Variants in NCOR1 observed in about 807,000 individuals in gnomAD.
NCOR1 encodes protein phosphatase 1, regulatory subunit 109.
A neutral mutation model predicts 288.1 loss-of-function variants in NCOR1; 63 were observed. The observed-to-expected ratio is 0.22, with a 90% CI of 0.18 to 0.27. The LOEUF (loss-of-function observed/expected upper bound fraction) is 0.27. Among genes scored for constraint, NCOR1 ranks in the 10% least tolerant of loss-of-function variants. The probability of loss-of-function intolerance (pLI) is 1.00; values close to 1 mark genes in which losing one functional copy is unlikely to be tolerated. For synonymous variants in NCOR1, 1,007 were observed against 1,065.9 expected (o/e 0.94, Z 1.08); for missense variants, 2,397 against 3,019.2 (o/e 0.79, Z 4.83).
intron 18 of NCOR1, among the ~76,000 whole-genome samples, chr17:16,110,210 G>C (rs2069740365): frequency 6.6e-6 from 1 of 152,040 alleles, no homozygotes; most frequent in Non-Finnish European, 1.5e-5. Context: ...AAAAAAATTA[G>C]CTCTGTGTGC....
At chr17:16,187,388 A>T (rs2086887876) in intron 2 of NCOR1, among the ~76,000 whole-genome samples, 1 of 152,042 alleles carries the variant, frequency 6.6e-6, no homozygotes, top group African/African-American at 2.4e-5. Context: ...TGCATTATTC[A>T]CAACAGCCAA....
At chr17:16,153,817 A>G (rs1372274389) in intron 6 of NCOR1, among the ~76,000 whole-genome samples, 1 of 152,106 alleles carries the variant, frequency 6.6e-6, no homozygotes, top group Non-Finnish European at 1.5e-5. Flanking sequence ...AAAGCAATAA[A>G]ATACCATAAA....
At chr17:16,061,172 T>C (rs2060508493) in intron 37 of NCOR1, among the ~76,000 whole-genome samples, 1 of 152,214 alleles carries the variant, frequency 6.6e-6, no homozygotes, top group Non-Finnish European at 1.5e-5. Flanking sequence ...ACTTTCCAAA[T>C]TTAATTACAT....
chr17:16,062,109 T>C lies in NCOR1; in HGVS notation c.5383A>G (p.Ile1795Val). ...AAATATGTACAAGAGACTGACATGATTCGTAGCTGAGCAGTTGGATCCAAA... is the reference window on the plus strand; with the variant it reads ...AAATATGTACAAGAGACTGACATGACTCGTAGCTGAGCAGTTGGATCCAAA... ...TPLDPTAQLR[I>V]MPLPAGGPSI... The change falls in exon 36 of 46, where the codon ATC (isoleucine) becomes GTC (valine). Residue 1795 changes from isoleucine to valine, a missense_variant. Ile to Val is a conservative substitution (Grantham distance 29). Around this residue, in one of 11 missense-constraint regions of NCOR1, gnomAD observed 1,872 missense variants for 2,187.8 expected, o/e 0.86. Transcript: ENST00000268712. The C allele has an allele frequency of 6.2e-7, 1 of 1,610,560 alleles. No homozygotes were observed.
chr17:16,123,423 A>G (rs2073401057), intron 15 of NCOR1, among the ~76,000 whole-genome samples: 1 of 152,120 alleles, frequency 6.6e-6, no homozygotes, highest in South Asian at 2.1e-4. Flanking sequence ...TCCCTGATTC[A>G]TATCTCTAGT....
At chr17:16,060,768 A>T (rs2060469949) in intron 37 of NCOR1, among the ~76,000 whole-genome samples, 1 of 152,144 alleles carries the variant, frequency 6.6e-6, no homozygotes, top group Non-Finnish European at 1.5e-5. Context: ...GCAGATGCTT[A>T]TTTAAATACT....
In NCOR1 at chr17:16,107,765, G is replaced by C. The variant is rs567085235; in HGVS notation, c.2182+1021C>G. On this transcript the variant is annotated intron_variant, in intron 19 of 45. Transcript: ENST00000268712. ...TTTGCAGCACTCTTACCCTACCCTCGGGTGGGACTTCTCTAATACTCTCTC... is the reference window on the plus strand; with the variant it reads ...TTTGCAGCACTCTTACCCTACCCTCCGGTGGGACTTCTCTAATACTCTCTC... Among the ~76,000 whole-genome samples the C allele has an allele frequency of 9.2e-5, 14 of 152,108 alleles. No individual in the cohort carries two copies. The South Asian group carries it at 2.7e-3, about 29-fold the overall frequency.
intron 9 of NCOR1, among the ~76,000 whole-genome samples, chr17:16,148,433 C>G (rs1378983739): frequency 1.3e-5 from 2 of 152,080 alleles, no homozygotes; most frequent in African/African-American, 4.8e-5. Context: ...ACCTTAGGCT[C>G]CCCCTAATTA....
Position 16,098,504 on chromosome 17 carries a change from T to A in NCOR1, c.2691-8A>T, listed in dbSNP as rs2152976077. ...GAGTCCATAGGAAACATTCTGCAATTGCAATTTAAAAAAAAGATAAATGAA... is the reference window on the plus strand; with the variant it reads ...GAGTCCATAGGAAACATTCTGCAATAGCAATTTAAAAAAAAGATAAATGAA... On this transcript the variant is annotated splice_region_variant and splice_polypyrimidine_tract_variant and intron_variant, in intron 20 of 45. Coordinates refer to ENST00000268712, the MANE Select transcript of NCOR1 (RefSeq NM_006311.4). 1 of 1,597,062 alleles carries A rather than the reference T, an allele frequency of 6.3e-7. No individual in the cohort carries two copies. The highest frequency in any genetic ancestry group is 8.5e-7 in the Non-Finnish European group (1 of 1,173,070).
intron 4 of NCOR1, among the ~76,000 whole-genome samples, chr17:16,169,430 T>C (rs1294929601): frequency 1.3e-5 from 2 of 152,242 alleles, no homozygotes; most frequent in Admixed American, 1.3e-4. Flanking sequence ...CTATAAATGA[T>C]ATACCTAGGC....
chr17:16,173,121 T>G (rs1167149386), intron 3 of NCOR1, among the ~76,000 whole-genome samples: 1 of 152,094 alleles, frequency 6.6e-6, no homozygotes, highest in Admixed American at 6.6e-5. Context: ...GAGGTCTTGC[T>G]ATATTGCCTA....
chr17:16,126,950 T>A (rs1163314358), intron 14 of NCOR1, among the ~76,000 whole-genome samples: 1 of 152,108 alleles, frequency 6.6e-6, no homozygotes, highest in Non-Finnish European at 1.5e-5. Flanking sequence ...AGTATGAAAA[T>A]GGGTAAGTGT....
intron 2 of NCOR1, 127 bp from the exon 3 acceptor site, chr17:16,186,814 CT>C: frequency 1.3e-6 from 1 of 753,682 alleles, no homozygotes; most frequent in South Asian, 1.9e-5. Context: ...TATTTCAATC[CT>C]TCATTGATCT....
intron 19 of NCOR1, among the ~76,000 whole-genome samples, chr17:16,102,915 G>C (rs2067903889): frequency 6.6e-6 from 1 of 152,080 alleles, no homozygotes; most frequent in African/African-American, 2.4e-5. Flanking sequence ...ATTTAAACTA[G>C]CCAAATTTCA....
intron 27 of NCOR1, among the ~76,000 whole-genome samples, chr17:16,074,138 G>C (rs1437819872): frequency 2.0e-5 from 3 of 152,092 alleles, no homozygotes; most frequent in African/African-American, 7.2e-5. Flanking sequence ...AAGAGTGTGG[G>C]GGAGGTAAAT....
intron 5 of NCOR1, among the ~76,000 whole-genome samples, chr17:16,159,414 A>C (rs1007439674): frequency 9.9e-5 from 3 of 30,192 alleles, no homozygotes; most frequent in Non-Finnish European, 2.2e-4. Flanking sequence ...ACTCTATCTC[A>C]AAAAAAAAAA....
At chr17:16,187,540 TAAA>T (rs35461013) in intron 2 of NCOR1, among the ~76,000 whole-genome samples, 7 of 140,016 alleles carry the variant, frequency 5.0e-5, no homozygotes, top group Non-Finnish European at 4.6e-5. Context: ...ATACTAAGTT[TAAA>T]AAAAAAAAAA....
chr17:16,160,473 A>G (rs1397485463), intron 5 of NCOR1, among the ~76,000 whole-genome samples: 2 of 152,316 alleles, frequency 1.3e-5, no homozygotes, highest in East Asian at 3.9e-4. Context: ...TATAGTCTAT[A>G]GGCAAAAATT....
At chr17:16,104,728 C>T (rs915106757) in intron 19 of NCOR1, among the ~76,000 whole-genome samples, 2 of 152,108 alleles carry the variant, frequency 1.3e-5, no homozygotes, top group African/African-American at 2.4e-5. Context: ...GCTGTGTTCA[C>T]GCTGGTACAC....
Sources: gnomAD v4.1 joint callset for allele counts (sites outside exome capture counted in the v4.1 genomes callset) on GRCh38, gnomAD v4.1.1 for gene constraint, gnomAD v4.1.1 regional missense constraint, MANE v1.5 for transcripts, NCBI Gene and HGNC (gene_info 2026-07-23, HGNC 2026-07-21) for gene names.